Variants in ATF7IP observed in about 807,000 individuals in gnomAD.
The protein encoded by ATF7IP is activating transcription factor 7-interacting protein 1.
A neutral mutation model predicts 106.4 loss-of-function variants in ATF7IP; 23 were observed. The ratio of observed to expected loss-of-function variants is 0.22; its 90% CI spans 0.16 to 0.31. ATF7IP has a LOEUF of 0.31. Among genes scored for constraint, ATF7IP ranks in the 10% least tolerant of loss-of-function variants. ATF7IP has a pLI of 1.00. For synonymous variants in ATF7IP, 542 were observed against 539.0 expected (o/e 1.01, Z -0.08); for missense variants, 1,334 against 1,524.3 (o/e 0.88, Z 2.08).
intron 1 of ATF7IP, among the ~76,000 whole-genome samples, chr12:14,404,144 T>A (rs1233483721): frequency 6.6e-6 from 1 of 151,874 alleles, no homozygotes; most frequent in Non-Finnish European, 1.5e-5. Flanking sequence ...TTTTTTTTTT[T>A]TTCCAGTGCT....
intron 1 of ATF7IP, among the ~76,000 whole-genome samples, chr12:14,411,205 T>G (rs759229303): frequency 2.0e-5 from 3 of 152,192 alleles, no homozygotes; most frequent in Non-Finnish European, 4.4e-5. Flanking sequence ...GAACTGCCTG[T>G]TTTCCAAAGC....
chr12:14,422,403 A>G (rs1331221575), intron 1 of ATF7IP, among the ~76,000 whole-genome samples: 1 of 152,098 alleles, frequency 6.6e-6, no homozygotes, highest in African/African-American at 2.4e-5. Flanking sequence ...CATTACTGAG[A>G]TAAAACCACA....
chr12:14,412,880 G>A (rs993935915), intron 1 of ATF7IP, among the ~76,000 whole-genome samples: 1 of 152,004 alleles, frequency 6.6e-6, no homozygotes, highest in Non-Finnish European at 1.5e-5. Context: ...CAGGCTTGGT[G>A]GTTCACACCT....
At chr12:14,401,476 C>T (rs1306023186) in intron 1 of ATF7IP, among the ~76,000 whole-genome samples, 3 of 152,136 alleles carry the variant, frequency 2.0e-5, no homozygotes, top group African/African-American at 4.8e-5. Context: ...GGATTAGTGG[C>T]GTGAGCCATC....
At chr12:14,374,033 A>AT (rs35072695) in intron 1 of ATF7IP, among the ~76,000 whole-genome samples, 61,284 of 149,804 alleles carry the variant, frequency 0.41, 13,104 homozygotes, top group East Asian at 0.6. Context: ...TTTTATCCAG[A>AT]TTTTTTTTTC....
At chr12:14,466,415 C>G in intron 9 of ATF7IP, 111 bp from the exon 10 acceptor site, 1 of 796,834 alleles carries the variant, frequency 1.3e-6, no homozygotes, top group Non-Finnish European at 2.1e-6. Context: ...ATGTATGTGA[C>G]ATGTTGACGG....
intron 10 of ATF7IP, among the ~76,000 whole-genome samples, chr12:14,472,475 G>A (rs544438077): frequency 6.6e-6 from 1 of 152,234 alleles, no homozygotes; most frequent in Admixed American, 6.5e-5. Flanking sequence ...TGTGTGTAGG[G>A]ATGTAGGTAT....
At position 14,486,713 on chromosome 12, in the gene ATF7IP, C is replaced by T. The variant is rs1944630634; in HGVS notation, c.3280+5528C>T. ...TAACTGCCACTTTGCCTCTGCTGTC[C>T]ATTACGGTAGCTACGCCCACCTTGC... On this transcript the variant is annotated intron_variant, in intron 13 of 14. Coordinates refer to ENST00000261168, the MANE Select transcript of ATF7IP (RefSeq NM_018179.5). Among the ~76,000 whole-genome samples the T allele has an allele frequency of 2.6e-5, 4 of 152,306 alleles. No homozygotes were observed. In the South Asian group the frequency reaches 8.3e-4, roughly 32 times the overall value.
At chr12:14,496,381 G>T (rs776832287) in intron 14 of ATF7IP, 38 bp downstream of exon 14, 9 of 1,336,546 alleles carry the variant, frequency 6.7e-6, no homozygotes, top group Non-Finnish European at 9.7e-6. Flanking sequence ...ATTCTCAACT[G>T]TAGAGGTATA....
rs3083699 is a variant in ATF7IP at position 14,401,714 on chromosome 12, C to CTTTT, written c.-7-22177_-7-22174dup. 1.2e-3 allele frequency among the ~76,000 whole-genome samples: 96 copies of CTTTT among 76,884 alleles called. 2 individuals carry two copies. The highest frequency in any genetic ancestry group is 1.7e-3 in the Non-Finnish European group (71 of 42,334). 50.4% of individuals were successfully genotyped at this position (76,884 alleles called of 152,430 possible). A position where few individuals can be genotyped will look rare whatever the true frequency, so the allele number is the denominator to read the frequency against. ...AGCATTGTTTCACTTAGAGATTAAG[C>CTTTT]TTTTTTTTTTTTTTTTTTTTTGATA... is the stretch of plus-strand genomic sequence containing the variant. On this transcript the variant is annotated intron_variant, in intron 1 of 14. Coordinates refer to ENST00000261168, the MANE Select transcript of ATF7IP (RefSeq NM_018179.5).
chr12:14,396,239 A>C (rs1233083857), intron 1 of ATF7IP, among the ~76,000 whole-genome samples: 2 of 151,514 alleles, frequency 1.3e-5, no homozygotes, highest in African/African-American at 4.9e-5. Flanking sequence ...TTAGAAGTCA[A>C]GCAGCAGGCT....
intron 1 of ATF7IP, among the ~76,000 whole-genome samples, chr12:14,368,605 A>AT (rs1168782172): frequency 2.0e-5 from 3 of 152,166 alleles, no homozygotes; most frequent in Admixed American, 2.0e-4. Context: ...TGCAAAATTG[A>AT]TAAAAACTTT....
At chr12:14,443,244 A>T (rs1182168186) in intron 5 of ATF7IP, among the ~76,000 whole-genome samples, 2 of 152,214 alleles carry the variant, frequency 1.3e-5, no homozygotes, top group African/African-American at 2.4e-5. Flanking sequence ...GAACCCAGAA[A>T]GCTTTGCCAG....
At chr12:14,378,326 G>T (rs939389453) in intron 1 of ATF7IP, among the ~76,000 whole-genome samples, 6 of 151,218 alleles carry the variant, frequency 4.0e-5, no homozygotes, top group African/African-American at 1.5e-4. Flanking sequence ...TCCAACTCCC[G>T]ACCTCAGGTG....
chr12:14,382,595 A>G (rs1486762731), intron 1 of ATF7IP, among the ~76,000 whole-genome samples: 2 of 152,200 alleles, frequency 1.3e-5, no homozygotes, highest in Non-Finnish European at 2.9e-5. Context: ...TAGTTGACAT[A>G]TTAGTTGACT....
Position 14,424,047 on chromosome 12 carries a change from A to C in ATF7IP, c.132A>C (p.Leu44Phe), listed in dbSNP as rs371570170. 23 of 1,614,092 alleles carry C rather than the reference A, an allele frequency of 1.4e-5. No individual in the cohort carries two copies. Among genetic ancestry groups the C allele is most frequent in the Non-Finnish European group, 1.2e-5 (14 of 1,180,038 alleles). ...EELLKTDVKL[L>F]NGNHENGDLD... is the part of the protein sequence containing the mutation. ...TGTTGAAAACTGATGTCAAGCTGTT[A>C]AATGGCAACCATGAAAATGGAGATT... is the stretch of plus-strand genomic sequence containing the variant. The change falls in exon 2 of 15, where the codon TTA becomes TTC. Residue 44 changes from leucine to phenylalanine, a missense_variant. By Grantham distance (22) the Leu-to-Phe change is conservative (BLOSUM62 0). Transcript: ENST00000261168.
chr12:14,480,606 C>T (rs946250942), intron 12 of ATF7IP, among the ~76,000 whole-genome samples: 1 of 152,088 alleles, frequency 6.6e-6, no homozygotes, highest in African/African-American at 2.4e-5. Flanking sequence ...GGATTTACAC[C>T]CCCTTGGTAG....
intron 1 of ATF7IP, among the ~76,000 whole-genome samples, chr12:14,372,418 T>C (rs191538727): frequency 3.4e-5 from 5 of 146,858 alleles, no homozygotes; most frequent in African/African-American, 1.3e-4. Context: ...ATTTGGAGTT[T>C]AGAATCTTTA....
intron 1 of ATF7IP, among the ~76,000 whole-genome samples, chr12:14,398,754 TCTA>T (rs1322137921): frequency 6.6e-6 from 1 of 152,032 alleles, no homozygotes; most frequent in African/African-American, 2.4e-5. Context: ...TTTTTTTTGT[TCTA>T]TTACTTGATT....
Sources: allele counts gnomAD v4.1 joint callset (sites outside exome capture counted in the v4.1 genomes callset), GRCh38; gene constraint gnomAD v4.1.1; transcripts MANE v1.5; gene names NCBI Gene and HGNC (gene_info 2026-07-23, HGNC 2026-07-21).